Variants in ATP11A observed in about 807,000 individuals in gnomAD.
The protein encoded by ATP11A is ATPase phospholipid transporting 11A.
A neutral mutation model predicts 154.4 loss-of-function variants in ATP11A; 81 were observed. The ratio of observed to expected loss-of-function variants is 0.52; its 90% CI spans 0.44 to 0.63. The LOEUF (loss-of-function observed/expected upper bound fraction) is 0.63, where lower values mean the gene tolerates loss of function less well. Among genes scored for constraint, ATP11A ranks in the 30% least tolerant of loss-of-function variants. The probability of loss-of-function intolerance (pLI) is 0.00; values close to 1 mark genes in which losing one functional copy is unlikely to be tolerated. For missense variants in ATP11A, 1,316 were observed against 1,474.3 expected, an observed-to-expected ratio of 0.89 and a Z score of 1.76; for synonymous variants, 623 against 585.9, an observed-to-expected ratio of 1.06 and a Z score of -0.91.
At chr13:112,714,951 C>T (rs771793509) in intron 1 of ATP11A, among the ~76,000 whole-genome samples, 3 of 151,490 alleles carry the variant, frequency 2.0e-5, no homozygotes, top group Non-Finnish European at 4.4e-5. Flanking sequence ...TCCCCCTTCC[C>T]GTAGACCCTG....
Position 112,851,135 on chromosome 13 carries a change from A to G in ATP11A, c.1908A>G (p.Gln636=). ...TGCAGGCTGCCAAAGTGGCCCTTCA[A>G]GATCGAGAGAAAAAGTTAGCAGAAG... ...KLLQAAKVAL[Q]DREKKLAEAY... is the part of the protein sequence containing the mutation. Residue 636 remains glutamine, a synonymous_variant, in exon 18 of 30, where the codon CAA becomes CAG. Transcript: ENST00000375645. The G allele has an allele frequency of 6.2e-7, 1 of 1,614,252 alleles. No homozygotes were observed.
At chr13:112,872,150 AAATT>A (rs1305176130) in intron 26 of ATP11A, among the ~76,000 whole-genome samples, 1 of 152,258 alleles carries the variant, frequency 6.6e-6, no homozygotes, top group African/African-American at 2.4e-5. Context: ...TAATTGAAAC[AAATT>A]AATGTATTTT....
intron 1 of ATP11A, among the ~76,000 whole-genome samples, chr13:112,691,088 A>T (rs1265038907): frequency 6.6e-6 from 1 of 152,214 alleles, no homozygotes; most frequent in Admixed American, 6.5e-5. Context: ...TGAAGAGCTC[A>T]GGAGGGAAGA....
At position 112,808,217 on chromosome 13, in the gene ATP11A, C is replaced by T. The variant is rs187871416; in HGVS notation, c.333+1924C>T. Among the ~76,000 whole-genome samples the T allele has an allele frequency of 2.0e-4, 31 of 152,188 alleles. No individual in the cohort carries two copies. In the East Asian group the frequency reaches 3.7e-3, roughly 18 times the overall value. On this transcript the variant is annotated intron_variant, in intron 4 of 29. Transcript: ENST00000375645. ...CATCCCTGGCTGTGTCCCCTCCCAT[C>T]GGCCTGGCTATGTCCCCTCCCTGGC...
At chr13:112,833,218 C>T (rs2079145329) in intron 14 of ATP11A, among the ~76,000 whole-genome samples, 195 bp downstream of exon 14, 1 of 152,224 alleles carries the variant, frequency 6.6e-6, no homozygotes, top group Non-Finnish European at 1.5e-5. Flanking sequence ...TAAGCAGCGT[C>T]TGGTCCCCGG....
intron 24 of ATP11A, chr13:112,860,713 G>A (rs1038245871): frequency 2.0e-5 from 5 of 255,424 alleles, no homozygotes; most frequent in East Asian, 7.3e-5. Context: ...CGTCTTCCTC[G>A]TTGTGACCCT....
At chr13:112,762,888 C>T (rs12874277) in intron 1 of ATP11A, among the ~76,000 whole-genome samples, 89 of 152,354 alleles carry the variant, frequency 5.8e-4, no homozygotes, top group South Asian at 1.4e-3. Flanking sequence ...CCTCGCCGTG[C>T]GCGGCTCCTG....
chr13:112,784,246 G>A (rs1245405084), intron 1 of ATP11A, among the ~76,000 whole-genome samples: 1 of 152,188 alleles, frequency 6.6e-6, no homozygotes, highest in African/African-American at 2.4e-5. Context: ...GTAGGCGATC[G>A]GGTCATTGCC....
chr13:112,755,987 A>G (rs993907454), intron 1 of ATP11A, among the ~76,000 whole-genome samples: 12 of 146,446 alleles, frequency 8.2e-5, no homozygotes, highest in African/African-American at 3.1e-4. Flanking sequence ...TCCCAGAACC[A>G]TTTCCGGTCA....
intron 1 of ATP11A, among the ~76,000 whole-genome samples, chr13:112,778,576 GTGAGTAGCCACTGGAA>G (rs1232103729): frequency 6.6e-6 from 1 of 152,184 alleles, no homozygotes; most frequent in Non-Finnish European, 1.5e-5. Flanking sequence ...AGCCGCTGGA[GTGAGTAGCCACTGGAA>G]TGAGTAGCCG....
chr13:112,690,441 C>T lies in ATP11A; in HGVS notation c.25C>T (p.Leu9Phe), dbSNP rs1885011945. 7.4e-7 allele frequency: 1 copy of T among 1,358,200 alleles called. No individual in the cohort carries two copies. The highest frequency in any genetic ancestry group is 9.5e-7 in the Non-Finnish European group (1 of 1,053,206). 84.1% of individuals were successfully genotyped at this position (1,358,200 alleles called of 1,614,324 possible). Residue 9 changes from leucine to phenylalanine, a missense_variant, in exon 1 of 30, where the codon CTC (leucine) becomes TTC (phenylalanine). By Grantham distance (22) the Leu-to-Phe change is conservative. Transcript: ENST00000375645. This position sits in a 1 kb window ranked among gnomAD's most constrained non-coding sequence, Gnocchi z 5.6. MDCSLVRT[L>F]VHRYCAGEEN... The stretch of plus-strand genomic sequence containing the variant: ...CATGGACTGCAGCCTCGTGCGGACG[C>T]TCGTGCACAGATACGTGAGTGCTCC...
rs964660090 is a variant in ATP11A at position 112,828,964 on chromosome 13, A to G, written c.1221+2073A>G. On this transcript the variant is annotated intron_variant, in intron 12 of 29. Transcript: ENST00000375645. ...TCCACAACAGAAACAACCATCTGCC[A>G]TGGAGATCCTGTGCCAGAAGCACTT... Among the ~76,000 whole-genome samples the G allele has an allele frequency of 4.6e-5, 7 of 152,362 alleles. No homozygotes were observed. In the Middle Eastern group the frequency reaches 0.01, roughly 222 times the overall value.
intron 1 of ATP11A, among the ~76,000 whole-genome samples, chr13:112,777,154 A>G (rs897921197): frequency 2.0e-5 from 3 of 151,618 alleles, no homozygotes; most frequent in Non-Finnish European, 4.4e-5. Context: ...ACTGCCAGGC[A>G]CCACCAAGCT....
chr13:112,710,842 C>G (rs1419206609), intron 1 of ATP11A, among the ~76,000 whole-genome samples: 1 of 152,262 alleles, frequency 6.6e-6, no homozygotes, highest in East Asian at 1.9e-4. Flanking sequence ...TCACTATCAT[C>G]CCTGCAGGGA....
Position 112,753,501 on chromosome 13 carries a change from G to A in ATP11A, c.40-31634G>A, listed in dbSNP as rs1043063528. 7.9e-5 allele frequency among the ~76,000 whole-genome samples: 12 copies of A among 152,218 alleles called. No homozygotes were observed. Among genetic ancestry groups the A allele is most frequent in the African/African-American group, 2.9e-4 (12 of 41,460 alleles). ...CTGGGCCTGCCTACCGCTGCTGGAT[G>A]AGATGCCACGTCCTGTTGTGGTTTT... On this transcript the variant is annotated intron_variant, in intron 1 of 29. Transcript: ENST00000375645. The surrounding 1 kb of genome is among the most constrained non-coding windows in gnomAD (Gnocchi z 4.1).
chr13:112,735,319 A>C (rs758674962), intron 1 of ATP11A, among the ~76,000 whole-genome samples: 25 of 152,210 alleles, frequency 1.6e-4, no homozygotes, highest in Non-Finnish European at 1.6e-4. Flanking sequence ...GAGTGCCCCG[A>C]AAGCCGGGCA....
intron 11 of ATP11A, 126 bp from the exon 12 acceptor site, chr13:112,826,568 T>C (rs1566537230): frequency 1.3e-6 from 1 of 797,286 alleles, no homozygotes; most frequent in Non-Finnish European, 2.1e-6. Flanking sequence ...CTTTGGACTC[T>C]GAAATCTTGT....
At chr13:112,877,580 C>T (rs376038202) in intron 28 of ATP11A, among the ~76,000 whole-genome samples, 13 of 152,238 alleles carry the variant, frequency 8.5e-5, no homozygotes, top group East Asian at 7.7e-4. Context: ...TCTGCTGGGC[C>T]CCTAGCTGTG....
chr13:112,834,550 A>C, intron 14 of ATP11A, 39 bp from the exon 15 acceptor site: 1 of 1,352,356 alleles, frequency 7.4e-7, no homozygotes. Context: ...GGAACATCAG[A>C]ATCTCAGATT....
Sources: gnomAD v4.1 joint callset for allele counts (sites outside exome capture counted in the v4.1 genomes callset) on GRCh38, gnomAD v4.1.1 for gene constraint, Gnocchi (gnomAD v3.1) non-coding constraint, MANE v1.5 for transcripts, NCBI Gene and HGNC (gene_info 2026-07-23, HGNC 2026-07-21) for gene names.